Variants in YPEL4 observed in about 807,000 individuals in gnomAD.
YPEL4 encodes yippee like 4, also known as protein yippee-like 4.
Under a neutral mutation model 16.3 loss-of-function variants are expected in YPEL4, and 5 were observed. The ratio of observed to expected loss-of-function variants is 0.31; its 90% CI spans 0.16 to 0.64. The LOEUF is 0.64. YPEL4 is among the 30% of genes least tolerant of loss of function. YPEL4 has a pLI of 0.79. For missense variants in YPEL4, 127 were observed against 170.0 expected, an observed-to-expected ratio of 0.75 and a Z score of 1.41; for synonymous variants, 61 against 60.7, an observed-to-expected ratio of 1.00 and a Z score of -0.02.
chr11:57,649,778 C>T lies in YPEL4; in HGVS notation c.-278G>A, dbSNP rs1329577120. On this transcript the variant is annotated 5_prime_UTR_variant, in exon 1 of 5. Coordinates refer to ENST00000300022, the MANE Select transcript of YPEL4 (RefSeq NM_145008.3). ...CACTCTTCTCTCTTCTCTTTCCGCTCCTTCAATTGGGAAGGGGATGGGGGT... is the reference window on the plus strand; with the variant it reads ...CACTCTTCTCTCTTCTCTTTCCGCTTCTTCAATTGGGAAGGGGATGGGGGT... The T allele has an allele frequency of 1.5e-5, 2 of 132,090 alleles. No homozygotes were observed. The highest frequency in any genetic ancestry group is 4.4e-4 in the East Asian group (2 of 4,522). 8.2% of individuals were successfully genotyped at this position (132,090 alleles called of 1,614,324 possible).
chr11:57,647,228 A>G lies in YPEL4; in HGVS notation c.-121T>C. 1 of 1,369,230 alleles carries G rather than the reference A, an allele frequency of 7.3e-7. No homozygotes were observed. Among genetic ancestry groups the G allele is most frequent in the East Asian group, 2.7e-5 (1 of 37,586 alleles). 84.8% of individuals were successfully genotyped at this position (1,369,230 alleles called of 1,614,324 possible). A position where few individuals can be genotyped will look rare whatever the true frequency, so the allele number is the denominator to read the frequency against. ...CTAGAGCCGTGTTTCAGGGCAGGAG[A>G]AGTGTTGGGGGGCTGCCCGGCCAGG... On this transcript the variant is annotated 5_prime_UTR_variant, in exon 2 of 5. Transcript: ENST00000300022. The surrounding 1 kb of genome is among the most constrained non-coding windows in gnomAD (Gnocchi z 4.2).
Position 57,647,340 on chromosome 11 carries a change from C to G in YPEL4, c.-184-49G>C, listed in dbSNP as rs1945744812. On this transcript the variant is annotated intron_variant, in intron 1 of 4. Coordinates refer to ENST00000300022, the MANE Select transcript of YPEL4 (RefSeq NM_145008.3). The surrounding 1 kb of genome is among the most constrained non-coding windows in gnomAD (Gnocchi z 4.2). ...AGGGGAGCTGCGACCTCAGGAGGAC[C>G]CCTCCTGAGGGAATGGAGGAAAAGG... The G allele has an allele frequency of 6.2e-6, 3 of 486,880 alleles. No individual in the cohort carries two copies. The East Asian group carries it at 1.0e-4, about 17-fold the overall frequency. The allele number at this position is 486,880 out of a possible 1,614,324, so 30.2% of individuals were successfully genotyped here. A position where few individuals can be genotyped will look rare whatever the true frequency, so the allele number is the denominator to read the frequency against.
In YPEL4 at chr11:57,647,329, C is replaced by A; in HGVS notation, c.-184-38G>T. On this transcript the variant is annotated intron_variant, in intron 1 of 4. Transcript: ENST00000300022. The surrounding 1 kb of genome is among the most constrained non-coding windows in gnomAD (Gnocchi z 4.2). ...GAAAGGACATCAGGGGAGCTGCGACCTCAGGAGGACCCCTCCTGAGGGAAT... is the reference window on the plus strand; with the variant it reads ...GAAAGGACATCAGGGGAGCTGCGACATCAGGAGGACCCCTCCTGAGGGAAT... 1.9e-6 allele frequency: 1 copy of A among 517,210 alleles called. No homozygotes were observed. The allele number at this position is 517,210 out of a possible 1,614,324, so 32.0% of individuals were successfully genotyped here. A position where few individuals can be genotyped will look rare whatever the true frequency, so the allele number is the denominator to read the frequency against.
Position 57,647,413 on chromosome 11 carries a change from C to T in YPEL4, c.-184-122G>A, listed in dbSNP as rs1368011837. 1 of 259,176 alleles carries T rather than the reference C, an allele frequency of 3.9e-6. No individual in the cohort carries two copies. The highest frequency in any genetic ancestry group is 7.3e-5 in the East Asian group (1 of 13,636). 16.1% of individuals were successfully genotyped at this position (259,176 alleles called of 1,614,324 possible). Reference sequence around the variant, plus strand: ...ACTTTCCCCATCACCATCGACCCCCCCACAGCATCCAGTTGCATTGTCGCC... The same window carrying T: ...ACTTTCCCCATCACCATCGACCCCCTCACAGCATCCAGTTGCATTGTCGCC... On this transcript the variant is annotated intron_variant, in intron 1 of 4. Transcript: ENST00000300022. The surrounding 1 kb of genome is among the most constrained non-coding windows in gnomAD (Gnocchi z 4.2).
At chr11:57,648,790 G>A (rs560840272) in intron 1 of YPEL4, 1 of 152,506 alleles carries the variant, frequency 6.6e-6, no homozygotes, top group Admixed American at 6.5e-5. Flanking sequence ...CCGGCTGCAG[G>A]AAACGGGCCC....
rs1490525393 is a variant in YPEL4, at chr11:57,645,850, G to C, written c.*131C>G. 2 of 811,842 alleles carry C rather than the reference G, an allele frequency of 2.5e-6. No homozygotes were observed. Among genetic ancestry groups the C allele is most frequent in the African/African-American group, 3.4e-5 (2 of 58,548 alleles). 50.3% of individuals were successfully genotyped at this position (811,842 alleles called of 1,614,324 possible). On this transcript the variant is annotated 3_prime_UTR_variant, in exon 5 of 5. Transcript: ENST00000300022. Reference sequence around the variant, plus strand: ...GGTGCCTGGTAGTGGATATGGTGGAGGCAGGGGAGGGGTTGGTTGGAGCCA... The same window carrying C: ...GGTGCCTGGTAGTGGATATGGTGGACGCAGGGGAGGGGTTGGTTGGAGCCA...
In YPEL4 at chr11:57,645,303, C is replaced by G. The variant is rs1420544749; in HGVS notation, c.*678G>C. 2.0e-5 allele frequency: 3 copies of G among 152,500 alleles called. No homozygotes were observed. Among genetic ancestry groups the G allele is most frequent in the East Asian group, 3.9e-4 (2 of 5,176 alleles). 9.4% of individuals were successfully genotyped at this position (152,500 alleles called of 1,614,324 possible). A position where few individuals can be genotyped will look rare whatever the true frequency, so the allele number is the denominator to read the frequency against. ...TGGAAGCAGCCGACTAGGGGCTGTT[C>G]CGCGAGCAGCTGTCCCCACCCCACC... is the stretch of plus-strand genomic sequence containing the variant. On this transcript the variant is annotated 3_prime_UTR_variant, in exon 5 of 5. Transcript: ENST00000300022.
chr11:57,646,676 C>G (rs2135347996), intron 3 of YPEL4, 75 bp downstream of exon 3: 2 of 1,583,630 alleles, frequency 1.3e-6, no homozygotes, highest in Middle Eastern at 1.7e-4. Context: ...ATGGATTCCC[C>G]CCTTTCTCCA....
rs1438645699 is a variant in YPEL4, at chr11:57,646,783, C to A, written c.153G>T (p.Gly51=). 1 of 1,613,980 alleles carries A rather than the reference C, an allele frequency of 6.2e-7. No homozygotes were observed. Among genetic ancestry groups the A allele is most frequent in the Admixed American group, 1.7e-5 (1 of 59,972 alleles). The change falls in exon 3 of 5, where the codon GGG becomes GGT. Residue 51 remains glycine, a synonymous_variant. Coordinates refer to ENST00000300022, the MANE Select transcript of YPEL4 (RefSeq NM_145008.3). ...TAAACAGGTAGGCTCGGCCATGGCTCCCTTGGAAGGACTGTGGAGACATAG... is the reference window on the plus strand; with the variant it reads ...TAAACAGGTAGGCTCGGCCATGGCTACCTTGGAAGGACTGTGGAGACATAG... ...HDELISKSFQ[G]SHGRAYLFNS...
In YPEL4 at chr11:57,645,898, G is replaced by A. The variant is rs1193227954; in HGVS notation, c.*83C>T. On this transcript the variant is annotated 3_prime_UTR_variant, in exon 5 of 5. Coordinates refer to ENST00000300022, the MANE Select transcript of YPEL4 (RefSeq NM_145008.3). Reference sequence around the variant, plus strand: ...CCAGGTTTCCCCCAGGGGTGGGGCAGTACTCATGCTGGTATAGACTGCTTG... The same window carrying A: ...CCAGGTTTCCCCCAGGGGTGGGGCAATACTCATGCTGGTATAGACTGCTTG... 7.1e-7 allele frequency: 1 copy of A among 1,415,594 alleles called. No homozygotes were observed. Among genetic ancestry groups the A allele is most frequent in the East Asian group, 2.3e-5 (1 of 43,848 alleles). 87.7% of individuals were successfully genotyped at this position (1,415,594 alleles called of 1,614,324 possible).
At position 57,647,221 on chromosome 11, in the gene YPEL4, G is replaced by A; in HGVS notation, c.-114C>T. 7.1e-7 allele frequency: 1 copy of A among 1,399,172 alleles called. No individual in the cohort carries two copies. The highest frequency in any genetic ancestry group is 9.4e-7 in the Non-Finnish European group (1 of 1,062,556). The allele number at this position is 1,399,172 out of a possible 1,614,324, so 86.7% of individuals were successfully genotyped here. On this transcript the variant is annotated 5_prime_UTR_variant, in exon 2 of 5. Transcript: ENST00000300022. The surrounding 1 kb of genome is among the most constrained non-coding windows in gnomAD (Gnocchi z 4.2). ...AGGTTGGCTAGAGCCGTGTTTCAGG[G>A]CAGGAGAAGTGTTGGGGGGCTGCCC...
chr11:57,646,608 C>A (rs1001192238), intron 3 of YPEL4, 143 bp downstream of exon 3: 12 of 1,335,448 alleles, frequency 9.0e-6, no homozygotes, highest in Non-Finnish European at 1.3e-5. Flanking sequence ...GTGAGAACTT[C>A]AGATTGAGAC....
At position 57,647,069 on chromosome 11, in the gene YPEL4, G is replaced by C; in HGVS notation, c.39C>G (p.Leu13=). 6.3e-7 allele frequency: 1 copy of C among 1,595,138 alleles called. No homozygotes were observed. The highest frequency in any genetic ancestry group is 8.5e-7 in the Non-Finnish European group (1 of 1,172,338). ...SCDPGPGPAC[L]PTKTFRSYLP... ...GATAGCTGCGGAAAGTCTTGGTGGG[G>C]AGGCAGGCAGGGCCCGGACCGGGGT... is the stretch of plus-strand genomic sequence containing the variant. The change falls in exon 2 of 5, where the codon CTC becomes CTG. Residue 13 remains leucine (L), a synonymous_variant. Transcript: ENST00000300022. This position sits in a 1 kb window ranked among gnomAD's most constrained non-coding sequence, Gnocchi z 4.2.
intron 3 of YPEL4, 83 bp downstream of exon 3, chr11:57,646,668 G>A (rs1460822082): frequency 2.6e-6 from 4 of 1,568,586 alleles, no homozygotes; most frequent in African/African-American, 1.4e-5. Flanking sequence ...ATCACCTGAT[G>A]GATTCCCCCC....
At chr11:57,649,522 G>C (rs1324981438) in intron 1 of YPEL4, 163 bp downstream of exon 1, 1 of 152,492 alleles carries the variant, frequency 6.6e-6, no homozygotes, top group East Asian at 1.9e-4. Flanking sequence ...GCTTGGAGAG[G>C]GATGGAGGAA....
chr11:57,646,953 C>T lies in YPEL4; in HGVS notation c.141+14G>A, dbSNP rs1229023097. On this transcript the variant is annotated intron_variant, in intron 2 of 4. Transcript: ENST00000300022. The stretch of plus-strand genomic sequence containing the variant: ...CGCGAGAGGAGGGGAATGGCAGGTC[C>T]CCGCTTCGCGTACCTTGGAAATAAG... The T allele has an allele frequency of 7.7e-6, 12 of 1,566,824 alleles. No homozygotes were observed. The East Asian group carries it at 2.1e-4, about 27-fold the overall frequency.
intron 4 of YPEL4, 72 bp downstream of exon 4, chr11:57,646,225 C>T: frequency 6.3e-7 from 1 of 1,587,360 alleles, no homozygotes; most frequent in Non-Finnish European, 8.6e-7. Context: ...AAGGACCTGA[C>T]ATGGTCACTG....
rs1299218919 is a variant in YPEL4, at chr11:57,647,947, G to T, written c.-184-656C>A. 1 of 152,244 alleles carries T rather than the reference G, an allele frequency of 6.6e-6. No homozygotes were observed. Among genetic ancestry groups the T allele is most frequent in the Admixed American group, 6.5e-5 (1 of 15,270 alleles). 9.4% of individuals were successfully genotyped at this position (152,244 alleles called of 1,614,324 possible). ...TGTGGCCGCCCATTCTCGCACCTTG[G>T]TTCACTCATTCTGGCCCAGAATAAG... On this transcript the variant is annotated intron_variant, in intron 1 of 4. Transcript: ENST00000300022. This position sits in a 1 kb window ranked among gnomAD's most constrained non-coding sequence, Gnocchi z 4.2.
In YPEL4 at chr11:57,647,111, G is replaced by C; in HGVS notation, c.-4C>G. ...GACCGGGGTCACAGCTGGGCATGAC[G>C]GGCTGGAGGACAATGCCCTGGTGGG... On this transcript the variant is annotated 5_prime_UTR_variant, in exon 2 of 5. Transcript: ENST00000300022. This position sits in a 1 kb window ranked among gnomAD's most constrained non-coding sequence, Gnocchi z 4.2. 6.4e-7 allele frequency: 1 copy of C among 1,566,422 alleles called. No individual in the cohort carries two copies. The highest frequency in any genetic ancestry group is 8.6e-7 in the Non-Finnish European group (1 of 1,160,068).
Sources: gnomAD v4.1 joint callset for allele counts on GRCh38, gnomAD v4.1.1 for gene constraint, Gnocchi (gnomAD v3.1) non-coding constraint, MANE v1.5 for transcripts, NCBI Gene and HGNC (gene_info 2026-07-23, HGNC 2026-07-21) for gene names.